The following DNAI1 variants were observed in gnomAD, a reference collection of about 807,000 sequenced individuals.
The protein encoded by DNAI1 is dynein, axonemal, intermediate polypeptide 1.
DNAI1 carries 67 observed loss-of-function variants against 92.0 expected under a neutral mutation model. The observed-to-expected ratio is 0.73, with a 90% CI of 0.60 to 0.89. The LOEUF is 0.89. Among genes scored for constraint, DNAI1 ranks in the 40% least tolerant of loss-of-function variants. DNAI1 has a pLI of 0.00. For synonymous variants in DNAI1, 323 were observed against 319.6 expected (o/e 1.01, Z -0.11); for missense variants, 839 against 866.6 (o/e 0.97, Z 0.40).
chr9:34,481,748 T>C (rs1588093657), intron 1 of DNAI1, among the ~76,000 whole-genome samples: 1 of 152,158 alleles, frequency 6.6e-6, no homozygotes, highest in East Asian at 1.9e-4. Context: ...TCGTTCCTCC[T>C]GGTGGGCTCG....
Position 34,490,138 on chromosome 9 carries a change from T to A in DNAI1, c.501+14T>A, listed in dbSNP as rs1824557483. 1 of 1,613,548 alleles carries A rather than the reference T, an allele frequency of 6.2e-7. No homozygotes were observed. The highest frequency in any genetic ancestry group is 1.7e-5 in the Admixed American group (1 of 59,916). ...CCTGCAGCTGGGGTACAGTATAATA[T>A]CGCTCTGTGTCCCTCTTCTTCCAGC... On this transcript the variant is annotated intron_variant, in intron 6 of 19. Coordinates refer to ENST00000242317, the MANE Select transcript of DNAI1 (RefSeq NM_012144.4).
chr9:34,490,687 G>A (rs1824572726), intron 7 of DNAI1, among the ~76,000 whole-genome samples, 199 bp downstream of exon 7: 1 of 152,228 alleles, frequency 6.6e-6, no homozygotes, highest in Non-Finnish European at 1.5e-5. Context: ...TTTAGAGGGA[G>A]TAACATGGAG....
At chr9:34,470,866 C>G (rs1470066282) in intron 1 of DNAI1, among the ~76,000 whole-genome samples, 1 of 152,156 alleles carries the variant, frequency 6.6e-6, no homozygotes, top group African/African-American at 2.4e-5. Flanking sequence ...TAATATCTTA[C>G]AGTTTAACTT....
intron 1 of DNAI1, among the ~76,000 whole-genome samples, chr9:34,480,801 C>G (rs1178646574): frequency 6.6e-6 from 1 of 151,998 alleles, no homozygotes; most frequent in Non-Finnish European, 1.5e-5. Flanking sequence ...AAAAAATAGG[C>G]TGGGTGCAGT....
chr9:34,502,573 C>T (rs999950466), intron 12 of DNAI1, among the ~76,000 whole-genome samples: 1 of 152,090 alleles, frequency 6.6e-6, no homozygotes, highest in African/African-American at 2.4e-5. Context: ...CTCAGCTGGT[C>T]GGGGTCATGT....
chr9:34,489,741 C>T (rs1295570865), intron 5 of DNAI1, among the ~76,000 whole-genome samples: 2 of 151,950 alleles, frequency 1.3e-5, no homozygotes, highest in Admixed American at 6.6e-5. Context: ...CCCAGCTACT[C>T]GGGAGGCTGA....
intron 18 of DNAI1, among the ~76,000 whole-genome samples, chr9:34,516,744 C>CTTTTCTTTTTT (rs60433524): frequency 2.2e-5 from 3 of 135,066 alleles, no homozygotes; most frequent in Non-Finnish European, 3.2e-5. Flanking sequence ...CTTTTCTTTT[C>CTTTTCTTTTTT]TTTTTTTTTT....
chr9:34,517,271 C>G lies in DNAI1; in HGVS notation c.1819-14C>G, dbSNP rs779487812. 140 of 1,612,424 alleles carry G rather than the reference C, an allele frequency of 8.7e-5. No homozygotes were observed. The highest frequency in any genetic ancestry group is 1.1e-4 in the Non-Finnish European group (135 of 1,179,440). ...TCATTACCCCTGAGTGTGCTGACAC[C>G]GACCTCTCCACAGGCCCACATATTT... On this transcript the variant is annotated splice_polypyrimidine_tract_variant and intron_variant, in intron 18 of 19. Transcript: ENST00000242317.
At chr9:34,491,322 G>T in intron 7 of DNAI1, 173 bp from the exon 8 acceptor site, 2 of 703,540 alleles carry the variant, frequency 2.8e-6, no homozygotes, top group Non-Finnish European at 2.6e-6. Flanking sequence ...GACACAATAT[G>T]GGCTTTGAAT....
At chr9:34,476,652 G>A (rs1824244032) in intron 1 of DNAI1, among the ~76,000 whole-genome samples, 1 of 152,178 alleles carries the variant, frequency 6.6e-6, no homozygotes, top group Non-Finnish European at 1.5e-5. Flanking sequence ...ACAGAAGGGT[G>A]GCCAGACATC....
At chr9:34,491,663 C>T (rs1824598358) in intron 8 of DNAI1, 109 bp downstream of exon 8, 2 of 1,196,994 alleles carry the variant, frequency 1.7e-6, no homozygotes, top group African/African-American at 3.0e-5. Flanking sequence ...GCAGTCTGCC[C>T]TCCTCATCTA....
chr9:34,459,452 T>TTTC (rs1490103667), intron 1 of DNAI1, among the ~76,000 whole-genome samples: 1 of 147,276 alleles, frequency 6.8e-6, no homozygotes, highest in African/African-American at 2.6e-5. Context: ...CTTTCTTTCT[T>TTTC]TTTTTTTTTT....
chr9:34,514,283 T>G, intron 16 of DNAI1, 111 bp from the exon 17 acceptor site: 1 of 1,405,006 alleles, frequency 7.1e-7, no homozygotes, highest in Non-Finnish European at 1.0e-6. Context: ...TCAGCTGGGA[T>G]GCGATGTGGG....
chr9:34,483,651 C>T (rs565961019), intron 2 of DNAI1, among the ~76,000 whole-genome samples, 171 bp downstream of exon 2: 37 of 152,208 alleles, frequency 2.4e-4, no homozygotes, highest in Non-Finnish European at 8.8e-5. Context: ...GATGTTACAT[C>T]CTCTCAGATA....
In DNAI1 at chr9:34,501,175, G is replaced by A; in HGVS notation, c.1057G>A (p.Gly353Ser). 6.2e-7 allele frequency: 1 copy of A among 1,612,814 alleles called. No individual in the cohort carries two copies. The highest frequency in any genetic ancestry group is 1.1e-5 in the South Asian group (1 of 91,056). Residue 353 changes from glycine to serine, a missense_variant, in exon 12 of 20, where the codon GGC becomes AGC. Gly to Ser is a moderately conservative substitution (Grantham distance 56). Coordinates refer to ENST00000242317, the MANE Select transcript of DNAI1 (RefSeq NM_012144.4). ...KYRDLFAVGY[G>S]SYDFMKQSRG... ...CAGGGATCTGTTTGCAGTGGGATAT[G>A]GCTCTTGTAAGTGATCTGACTATTC...
At chr9:34,517,199 T>C in intron 18 of DNAI1, 86 bp from the exon 19 acceptor site, 2 of 1,459,988 alleles carry the variant, frequency 1.4e-6, no homozygotes, top group Non-Finnish European at 1.9e-6. Flanking sequence ...CTACAGTCTT[T>C]CCCCAGGAAG....
chr9:34,468,437 T>C (rs1358652530), intron 1 of DNAI1, among the ~76,000 whole-genome samples: 1 of 151,048 alleles, frequency 6.6e-6, no homozygotes, highest in Non-Finnish European at 1.5e-5. Context: ...GATCCACCAG[T>C]CTTGGCCTCC....
rs370745702 is a variant in DNAI1 at position 34,512,205 on chromosome 9, A to G, written c.1401+7A>G. On this transcript the variant is annotated splice_region_variant and intron_variant, in intron 14 of 19. Transcript: ENST00000242317. ...GTCTTGGACTCTCGTGAAGGTGCCT[A>G]TTTCCCAGAGAGGGTCACACTGGGG... 257 of 1,613,864 alleles carry G rather than the reference A, an allele frequency of 1.6e-4. 1 individual carries two copies. The highest frequency in any genetic ancestry group is 6.4e-5 in the Non-Finnish European group (76 of 1,179,928).
At chr9:34,486,122 G>A (rs1270287109) in intron 4 of DNAI1, among the ~76,000 whole-genome samples, 1 of 152,190 alleles carries the variant, frequency 6.6e-6, no homozygotes, top group East Asian at 1.9e-4. Flanking sequence ...AGCAAGGTCA[G>A]CTCCTGTGGT....
Sources: gnomAD v4.1 joint callset for allele counts (sites outside exome capture counted in the v4.1 genomes callset) on GRCh38, gnomAD v4.1.1 for gene constraint, MANE v1.5 for transcripts, NCBI Gene and HGNC (gene_info 2026-07-23, HGNC 2026-07-21) for gene names.